Variants in PAMR1 observed in about 807,000 individuals in gnomAD.
PAMR1 encodes inactive serine protease PAMR1.
In PAMR1, 88 loss-of-function variants were observed where a neutral mutation model predicts 81.8. The ratio of observed to expected loss-of-function variants is 1.08; its 90% CI spans 0.91 to 1.28. PAMR1 has a LOEUF of 1.28. PAMR1 is among the 50% of genes most tolerant of loss of function. The probability of loss-of-function intolerance (pLI) is 0.00; values close to 1 mark genes in which losing one functional copy is unlikely to be tolerated. For synonymous variants in PAMR1, 336 were observed against 345.3 expected, an observed-to-expected ratio of 0.97 and a Z score of 0.30; for missense variants, 935 against 919.7, an observed-to-expected ratio of 1.02 and a Z score of -0.21.
intron 6 of PAMR1, among the ~76,000 whole-genome samples, chr11:35,458,087 T>G (rs1369495024): frequency 6.6e-6 from 1 of 152,190 alleles, no homozygotes; most frequent in African/African-American, 2.4e-5. Context: ...CAGCTACCTT[T>G]TTCTTTTCAG....
At chr11:35,494,444 C>T (rs1166798721) in intron 1 of PAMR1, among the ~76,000 whole-genome samples, 172 bp from the exon 2 acceptor site, 2 of 152,230 alleles carry the variant, frequency 1.3e-5, no homozygotes, top group African/African-American at 4.8e-5. Flanking sequence ...CGCCATTCTC[C>T]TGCCGCAGCC....
intron 1 of PAMR1, among the ~76,000 whole-genome samples, chr11:35,509,425 A>C (rs1845694963): frequency 6.6e-6 from 1 of 152,218 alleles, no homozygotes; most frequent in Non-Finnish European, 1.5e-5. Flanking sequence ...AGGGAATTTC[A>C]ATGTGGTGCT....
intron 1 of PAMR1, among the ~76,000 whole-genome samples, chr11:35,501,586 A>G (rs1366474887): frequency 6.6e-6 from 1 of 151,438 alleles, no homozygotes. Context: ...TTTACTTTTT[A>G]AACTTATTTC....
intron 6 of PAMR1, among the ~76,000 whole-genome samples, chr11:35,464,694 A>T (rs191500308): frequency 6.6e-6 from 1 of 152,364 alleles, no homozygotes; most frequent in Admixed American, 6.5e-5. Flanking sequence ...AAAAAGGTCT[A>T]GAAGAATATC....
At chr11:35,492,202 A>C in intron 2 of PAMR1, 29 bp from the exon 3 acceptor site, 1 of 1,612,980 alleles carries the variant, frequency 6.2e-7, no homozygotes, top group Non-Finnish European at 8.5e-7. Flanking sequence ...GAGGAGTGTT[A>C]GGCCAAAGCA....
Position 35,434,696 on chromosome 11 carries a change from T to A in PAMR1, c.1442A>T (p.His481Leu), listed in dbSNP as rs1289633738. 6.2e-7 allele frequency: 1 copy of A among 1,614,018 alleles called. No homozygotes were observed. The highest frequency in any genetic ancestry group is 1.3e-5 in the African/African-American group (1 of 74,934). ...GCAGACTAGGAACCACGCTCCCTTGTGTAGGCTGCCGTCATGCACCCCGCT... is the reference window on the plus strand; with the variant it reads ...GCAGACTAGGAACCACGCTCCCTTGAGTAGGCTGCCGTCATGCACCCCGCT... ...RTSGVHDGSL[H>L]KGAWFLVCSG... is the part of the protein sequence containing the mutation. The change falls in exon 10 of 11, where the codon CAC becomes CTC. Residue 481 changes from histidine to leucine, a missense_variant. Transcript: ENST00000619888.
intron 1 of PAMR1, among the ~76,000 whole-genome samples, chr11:35,522,179 C>T (rs1047038262): frequency 6.6e-6 from 1 of 152,212 alleles, no homozygotes; most frequent in Non-Finnish European, 1.5e-5. Context: ...GCCCTGGCCT[C>T]CCAAAGTGCT....
chr11:35,440,500 G>A (rs929901195), intron 7 of PAMR1, among the ~76,000 whole-genome samples: 1 of 152,122 alleles, frequency 6.6e-6, no homozygotes. Context: ...TCAGGTTGTT[G>A]ACAAACACCC....
At chr11:35,487,629 G>A (rs1235654440) in intron 3 of PAMR1, among the ~76,000 whole-genome samples, 2 of 152,190 alleles carry the variant, frequency 1.3e-5, no homozygotes, top group Non-Finnish European at 2.9e-5. Flanking sequence ...TTCCTCAAGT[G>A]GCTGCCCCAA....
rs1350566996 is a variant in PAMR1, at chr11:35,434,745, G to A, written c.1393C>T (p.Gln465Ter). The change falls in exon 10 of 11, where the codon CAG (glutamine) becomes TAG (stop). Residue 465 changes from glutamine (Q) to a stop codon, truncating the protein, a stop_gained. Coordinates refer to ENST00000619888, the MANE Select transcript of PAMR1 (RefSeq NM_001001991.3). LOFTEE classifies it high-confidence loss of function. The stretch of plus-strand genomic sequence containing the variant: ...CTGGTCCTCCTGTAGATGGCTGCCT[G>A]CCACGGCCAGCGCAACCCTTGGGTC... ...PKTQGLRWPW[Q>*]AAIYRRTSGV... 6.2e-7 allele frequency: 1 copy of A among 1,614,154 alleles called. No individual in the cohort carries two copies. The highest frequency in any genetic ancestry group is 8.5e-7 in the Non-Finnish European group (1 of 1,180,018).
intron 1 of PAMR1, among the ~76,000 whole-genome samples, chr11:35,522,496 A>G (rs1413208015): frequency 6.6e-6 from 1 of 152,234 alleles, no homozygotes; most frequent in East Asian, 1.9e-4. Flanking sequence ...ATAAGGTCTT[A>G]AGGTTCATCT....
chr11:35,509,818 G>T (rs1344853989), intron 1 of PAMR1, among the ~76,000 whole-genome samples: 1 of 152,194 alleles, frequency 6.6e-6, no homozygotes, highest in Non-Finnish European at 1.5e-5. Context: ...GGAGGAAAGA[G>T]CTGGGCCAAC....
Position 35,474,787 on chromosome 11 carries a change from A to G in PAMR1, c.380-43T>C, listed in dbSNP as rs1458384641. Reference sequence around the variant, plus strand: ...GATTGGGACATAAAAATGGAGGTCAATAGGAAAGAGACTAGAGAAGGTCTC... The same window carrying G: ...GATTGGGACATAAAAATGGAGGTCAGTAGGAAAGAGACTAGAGAAGGTCTC... On this transcript the variant is annotated intron_variant, in intron 3 of 10. Transcript: ENST00000619888. 3.7e-6 allele frequency: 5 copies of G among 1,359,926 alleles called. No homozygotes were observed. The African/African-American group carries it at 5.8e-5, about 16-fold the overall frequency. 84.2% of individuals were successfully genotyped at this position (1,359,926 alleles called of 1,614,324 possible).
chr11:35,512,309 G>C (rs1482813962), intron 1 of PAMR1, among the ~76,000 whole-genome samples: 1 of 152,034 alleles, frequency 6.6e-6, no homozygotes, highest in Non-Finnish European at 1.5e-5. Context: ...ACACATACCA[G>C]CTCATTATAT....
intron 3 of PAMR1, among the ~76,000 whole-genome samples, chr11:35,476,975 T>G (rs1443133435): frequency 6.6e-6 from 1 of 152,074 alleles, no homozygotes; most frequent in Admixed American, 6.6e-5. Flanking sequence ...GAATTAAGCT[T>G]ATATGATTGC....
At chr11:35,477,794 C>G (rs1490608039) in intron 3 of PAMR1, among the ~76,000 whole-genome samples, 1 of 152,114 alleles carries the variant, frequency 6.6e-6, no homozygotes, top group Non-Finnish European at 1.5e-5. Flanking sequence ...CTGACCCAGT[C>G]CTCTCCCACT....
intron 5 of PAMR1, 55 bp from the exon 6 acceptor site, chr11:35,468,163 G>T: frequency 9.0e-7 from 1 of 1,106,408 alleles, no homozygotes; most frequent in Non-Finnish European, 1.3e-6. Context: ...GATGTCTTCA[G>T]GCCCAGAGTC....
chr11:35,481,510 T>TTGTG (rs1850390078), intron 3 of PAMR1, among the ~76,000 whole-genome samples: 1 of 42,298 alleles, frequency 2.4e-5, no homozygotes, highest in African/African-American at 4.0e-5. Flanking sequence ...TCTTCTTGTT[T>TTGTG]TGTTTGTTTG....
At chr11:35,469,153 G>T (rs1382210938) in intron 5 of PAMR1, among the ~76,000 whole-genome samples, 1 of 152,210 alleles carries the variant, frequency 6.6e-6, no homozygotes, top group Non-Finnish European at 1.5e-5. Flanking sequence ...AATGTAGTAG[G>T]GGCTATGAAG....
Sources: gnomAD v4.1 joint callset for allele counts (sites outside exome capture counted in the v4.1 genomes callset) on GRCh38, gnomAD v4.1.1 for gene constraint, MANE v1.5 for transcripts, NCBI Gene and HGNC (gene_info 2026-07-23, HGNC 2026-07-21) for gene names.